Variants in ANKRD36 observed in about 807,000 individuals in gnomAD.
ANKRD36 encodes ankyrin repeat domain 36.
In ANKRD36, 179 loss-of-function variants were observed where a neutral mutation model predicts 278.1. The ratio of observed to expected loss-of-function variants is 0.64; its 90% CI spans 0.57 to 0.73. The LOEUF (loss-of-function observed/expected upper bound fraction) is 0.73, where lower values mean the gene tolerates loss of function less well. ANKRD36 is among the 30% of genes least tolerant of loss of function. The probability of loss-of-function intolerance (pLI) is 0.00; values close to 1 mark genes in which losing one functional copy is unlikely to be tolerated. For missense variants in ANKRD36, 1,159 were observed against 1,956.7 expected (o/e 0.59, Z 7.69); for synonymous variants, 320 against 641.1 (o/e 0.50, Z 7.57).
At chr2:97,220,454 A>C (rs1343524346) in intron 66 of ANKRD36, among the ~76,000 whole-genome samples, 6 of 150,966 alleles carry the variant, frequency 4.0e-5, no homozygotes, top group Admixed American at 1.3e-4. Flanking sequence ...CTATTTTTTA[A>C]ATTTCTCACA....
intron 68 of ANKRD36, 77 bp downstream of exon 68, chr2:97,233,948 A>G (rs2153680787): frequency 4.6e-6 from 3 of 654,264 alleles, no homozygotes; most frequent in Middle Eastern, 4.4e-4. Context: ...ACACTGTACC[A>G]TAGAGTACTG....
chr2:97,208,809 A>G (rs1558799654), intron 54 of ANKRD36, among the ~76,000 whole-genome samples: 1 of 146,770 alleles, frequency 6.8e-6, no homozygotes, highest in Non-Finnish European at 1.5e-5. Flanking sequence ...TTTAGAGAAT[A>G]ACACGATACT....
rs180891017 is a variant in ANKRD36, at chr2:97,208,975, G to C, written c.3266-706G>C. Among the ~76,000 whole-genome samples the C allele has an allele frequency of 2.0e-5, 3 of 146,774 alleles. 1 individual carries two copies. The East Asian group carries it at 5.9e-4, about 29-fold the overall frequency. Reference sequence around the variant, plus strand: ...TACTTTGTAGACGTATGTCAAAGTTGATAATTGATGATATTTTTATTGAGG... The same window carrying C: ...TACTTTGTAGACGTATGTCAAAGTTCATAATTGATGATATTTTTATTGAGG... On this transcript the variant is annotated intron_variant, in intron 54 of 75. Coordinates refer to ENST00000420699, the MANE Select transcript of ANKRD36 (RefSeq NM_001354587.1).
In ANKRD36 at chr2:97,211,693, G is replaced by A. The variant is rs1176957901; in HGVS notation, c.3421G>A (p.Val1141Ile). Residue 1141 changes from valine (V) to isoleucine (I), a missense_variant, in exon 58 of 76, where the codon GTT becomes ATT. Physicochemically the swap from Val to Ile is conservative, Grantham distance 29. Transcript: ENST00000420699. ...LKAICDKEDS[V>I]PNMATEKKDE... Reference sequence around the variant, plus strand: ...GGCTATCTGTGACAAGGAAGATTCTGTTCCGAATATGGCCACGGAAAAAAA... The same window carrying A: ...GGCTATCTGTGACAAGGAAGATTCTATTCCGAATATGGCCACGGAAAAAAA... 1 of 1,595,288 alleles carries A rather than the reference G, an allele frequency of 6.3e-7. No individual in the cohort carries two copies. The highest frequency in any genetic ancestry group is 8.5e-7 in the Non-Finnish European group (1 of 1,172,106).
intron 67 of ANKRD36, among the ~76,000 whole-genome samples, chr2:97,226,175 T>G (rs1267544646): frequency 6.6e-6 from 1 of 151,508 alleles, no homozygotes; most frequent in East Asian, 2.0e-4. Flanking sequence ...GTATTTCTAG[T>G]TCTAGATCCC....
At chr2:97,186,950 T>C (rs2057529558) in intron 30 of ANKRD36, among the ~76,000 whole-genome samples, 1 of 151,936 alleles carries the variant, frequency 6.6e-6, no homozygotes, top group African/African-American at 2.4e-5. Flanking sequence ...GACACTGATT[T>C]ATTTTTCTTT....
At position 97,206,074 on chromosome 2, in the gene ANKRD36, T is replaced by C. The variant is rs771135449; in HGVS notation, c.3102T>C (p.Asp1034=). The change falls in exon 52 of 76, where the codon GAT becomes GAC. Residue 1034 remains aspartate, a synonymous_variant. Coordinates refer to ENST00000420699, the MANE Select transcript of ANKRD36 (RefSeq NM_001354587.1). ...QKPPTLKATS[D]EEDSVLSIAR... ...CAAATTCCATTCAGGCTACAAGTGA[T>C]GAGGAAGATTCTGTTTTGAGTATAG... 4.5e-6 allele frequency: 7 copies of C among 1,551,100 alleles called. No homozygotes were observed. Among genetic ancestry groups the C allele is most frequent in the South Asian group, 2.4e-5 (2 of 84,348 alleles).
At chr2:97,128,400 T>C (rs2039180425) in intron 6 of ANKRD36, among the ~76,000 whole-genome samples, 1 of 151,292 alleles carries the variant, frequency 6.6e-6, no homozygotes, top group Admixed American at 6.6e-5. Flanking sequence ...GTTGCAAAAA[T>C]AAAAAAAGTG....
Position 97,129,584 on chromosome 2 carries a change from G to C in ANKRD36, c.799+2450G>C, listed in dbSNP as rs533913692. ...TGAATGGTATTGCCTAGGTTTTCTT[G>C]TAGGGTTTTTATGGTTTTAGGTCTA... is the stretch of plus-strand genomic sequence containing the variant. On this transcript the variant is annotated intron_variant, in intron 6 of 75. Transcript: ENST00000420699. Among the ~76,000 whole-genome samples the C allele has an allele frequency of 4.0e-3, 609 of 152,070 alleles. 6 individuals are homozygous for C. Among genetic ancestry groups the C allele is most frequent in the Admixed American group, 8.2e-3 (124 of 15,210 alleles).
chr2:97,202,322 G>T lies in ANKRD36; in HGVS notation c.2888G>T (p.Gly963Val), dbSNP rs547895738. 4.4e-6 allele frequency: 7 copies of T among 1,577,308 alleles called. No homozygotes were observed. The East Asian group carries it at 7.1e-5, about 16-fold the overall frequency. ...TATTTCGTTTTAAATTCCATTCAGG[G>T]TACAAGTGACGAGGAAGATTCTGTT... ...VSSQKPPALKGTSDEEDSVLG... is the reference protein window; with the variant it reads ...VSSQKPPALKVTSDEEDSVLG... The change falls in exon 48 of 76, where the codon GGT becomes GTT. Residue 963 changes from glycine to valine, a missense_variant and splice_region_variant. By Grantham distance (109) the Gly-to-Val change is moderately radical. Coordinates refer to ENST00000420699, the MANE Select transcript of ANKRD36 (RefSeq NM_001354587.1).
At chr2:97,175,169 T>C (rs186870869) in intron 22 of ANKRD36, among the ~76,000 whole-genome samples, 18,409 of 150,096 alleles carry the variant, frequency 0.12, 1,390 homozygotes, top group Middle Eastern at 0.21. Flanking sequence ...TTCCCTCTTT[T>C]TCTATTGATT....
At chr2:97,210,768 G>C (rs545513012) in intron 56 of ANKRD36, among the ~76,000 whole-genome samples, 1 of 151,972 alleles carries the variant, frequency 6.6e-6, no homozygotes, top group Admixed American at 6.6e-5. Flanking sequence ...ATATTGCAGT[G>C]ATTTCTGAAT....
intron 22 of ANKRD36, among the ~76,000 whole-genome samples, chr2:97,170,874 T>G (rs1433347554): frequency 6.8e-6 from 1 of 147,234 alleles, no homozygotes; most frequent in Non-Finnish European, 1.5e-5. Context: ...AACAACCCCA[T>G]CAAAAAGTGG....
In ANKRD36 at chr2:97,113,819, C is replaced by T; in HGVS notation, c.80C>T (p.Pro27Leu). 1 of 1,610,434 alleles carries T rather than the reference C, an allele frequency of 6.2e-7. No homozygotes were observed. The highest frequency in any genetic ancestry group is 8.5e-7 in the Non-Finnish European group (1 of 1,179,776). The change falls in exon 1 of 76, where the codon CCC becomes CTC. Residue 27 changes from proline (P) to leucine (L), a missense_variant. By Grantham distance (98) the Pro-to-Leu change is moderately conservative. Transcript: ENST00000420699. ...GATGGCTTCGCATTTCCCCAATACC[C>T]CATTAAACCGTATCATCTGAAGAGG... is the stretch of plus-strand genomic sequence containing the variant. ...CSDGFAFPQY[P>L]IKPYHLKRIH...
intron 11 of ANKRD36, among the ~76,000 whole-genome samples, chr2:97,147,600 A>T (rs182478885): frequency 6.7e-6 from 1 of 148,866 alleles, no homozygotes; most frequent in South Asian, 2.2e-4. Context: ...CAGGTTTCTT[A>T]GTTCAAAACG....
intron 22 of ANKRD36, among the ~76,000 whole-genome samples, chr2:97,178,206 A>G (rs2054916835): frequency 6.6e-6 from 1 of 151,496 alleles, no homozygotes; most frequent in African/African-American, 2.4e-5. Context: ...GTGGAGAAAT[A>G]GGAACACTTT....
At chr2:97,188,872 A>G (rs60044072) in intron 32 of ANKRD36, among the ~76,000 whole-genome samples, 4,414 of 89,346 alleles carry the variant, frequency 0.049, 630 homozygotes, top group African/African-American at 0.11. Flanking sequence ...GAATCATACC[A>G]TGTTTGAAAT....
chr2:97,192,252 T>G (rs562990456), intron 36 of ANKRD36, among the ~76,000 whole-genome samples: 93 of 151,838 alleles, frequency 6.1e-4, no homozygotes, highest in African/African-American at 2.1e-3. Flanking sequence ...ACAAGAAACT[T>G]AAGCAAATTA....
chr2:97,204,270 T>C lies in ANKRD36; in HGVS notation c.3061+7T>C, dbSNP rs78154329. 1.3e-6 allele frequency: 2 copies of C among 1,557,886 alleles called. No individual in the cohort carries two copies. Among genetic ancestry groups the C allele is most frequent in the African/African-American group, 1.4e-5 (1 of 72,730 alleles). On this transcript the variant is annotated splice_region_variant and intron_variant, in intron 50 of 75. Coordinates refer to ENST00000420699, the MANE Select transcript of ANKRD36 (RefSeq NM_001354587.1). ...GGAGAAAAAACTAGGACAGGTAATT[T>C]TGAAAAGAGATTTAATGTCATGTTC...
Sources: gnomAD v4.1 joint callset for allele counts (sites outside exome capture counted in the v4.1 genomes callset) on GRCh38, gnomAD v4.1.1 for gene constraint, MANE v1.5 for transcripts, NCBI Gene and HGNC (gene_info 2026-07-23, HGNC 2026-07-21) for gene names.